Variants in APC2 observed in about 807,000 individuals in gnomAD.
APC2 encodes the protein adenomatous polyposis coli protein 2.
APC2 carries 41 observed loss-of-function variants against 72.5 expected under a neutral mutation model. The observed-to-expected ratio is 0.57, with a 90% confidence interval of 0.44 to 0.73. The LOEUF is 0.73. APC2 is among the 30% of genes least tolerant of loss of function. The probability of loss-of-function intolerance (pLI) is 0.00; values close to 1 mark genes in which losing one functional copy is unlikely to be tolerated. For missense variants in APC2, 3,729 were observed against 3,403.4 expected, an observed-to-expected ratio of 1.10 and a Z score of -2.38; for synonymous variants, 1,898 against 1,612.0, an observed-to-expected ratio of 1.18 and a Z score of -4.25.
chr19:1,454,280 G>GC, intron 4 of APC2, among the ~76,000 whole-genome samples: 1 of 152,314 alleles, frequency 6.6e-6, no homozygotes, highest in Non-Finnish European at 1.5e-5. Context: ...AGGGAGGTTA[G>GC]CAAGTATGGG....
rs1163852032 is a variant in APC2, at chr19:1,469,856, G to C, written c.6555G>C (p.Lys2185Asn). ...CCCCGGCCGGGCCCCCGCCGCGCAAGACCAGCGACGCCGTGGTCCAGACCG... is the reference window on the plus strand; with the variant it reads ...CCCCGGCCGGGCCCCCGCCGCGCAACACCAGCGACGCCGTGGTCCAGACCG... Reference protein sequence around the residue: ...EDAPAGPPPRKTSDAVVQTEE... With the variant: ...EDAPAGPPPRNTSDAVVQTEE... The change falls in exon 15 of 15, where the codon AAG becomes AAC. Residue 2185 changes from lysine to asparagine, a missense_variant. Transcript: ENST00000590469. 2 of 1,521,012 alleles carry C rather than the reference G, an allele frequency of 1.3e-6. No individual in the cohort carries two copies. Among genetic ancestry groups the C allele is most frequent in the Non-Finnish European group, 1.8e-6 (2 of 1,141,450 alleles). 94.2% of individuals were successfully genotyped at this position (1,521,012 alleles called of 1,614,324 possible).
chr19:1,467,497 A>G lies in APC2; in HGVS notation c.4196A>G (p.Asn1399Ser), dbSNP rs1367093436. Residue 1399 changes from asparagine (N) to serine (S), a missense_variant, in exon 15 of 15, where the codon AAC becomes AGC. Physicochemically the swap from Asn to Ser is conservative, Grantham distance 46. Coordinates refer to ENST00000590469, the MANE Select transcript of APC2 (RefSeq NM_005883.3). ...GACTCCGCGGAGGGCACGCCGGTCA[A>G]CTTCTCTAGCGCCGCCTCGCTCAGC... ...CTDSAEGTPV[N>S]FSSAASLSDE... 2.7e-5 allele frequency: 39 copies of G among 1,458,522 alleles called. No individual in the cohort carries two copies. The highest frequency in any genetic ancestry group is 3.5e-5 in the Non-Finnish European group (39 of 1,107,406). 90.3% of individuals were successfully genotyped at this position (1,458,522 alleles called of 1,614,324 possible). A position where few individuals can be genotyped will look rare whatever the true frequency, so the allele number is the denominator to read the frequency against.
chr19:1,451,130 G>C (rs1418705149), intron 1 of APC2, among the ~76,000 whole-genome samples: 1 of 152,200 alleles, frequency 6.6e-6, no homozygotes, highest in African/African-American at 2.4e-5. Context: ...CCTCACAGAG[G>C]GGTGTCAGGA....
Position 1,468,330 on chromosome 19 carries a change from C to A in APC2, c.5029C>A (p.Arg1677=). 2 of 1,556,610 alleles carry A rather than the reference C, an allele frequency of 1.3e-6. No individual in the cohort carries two copies. The highest frequency in any genetic ancestry group is 2.4e-5 in the East Asian group (1 of 41,468). The change falls in exon 15 of 15, where the codon CGG becomes AGG. Residue 1677 remains arginine, a synonymous_variant. Transcript: ENST00000590469. ...CGGCGAGGAGGCAGCGGGCTCGGACCGGGCCTCCGACCTGGATAGCGTGGA... is the reference window on the plus strand; with the variant it reads ...CGGCGAGGAGGCAGCGGGCTCGGACAGGGCCTCCGACCTGGATAGCGTGGA... The part of the protein sequence containing the change: ...ERGEEAAGSD[R]ASDLDSVEWR...
Position 1,468,087 on chromosome 19 carries a change from G to A in APC2, c.4786G>A (p.Ala1596Thr), listed in dbSNP as rs1460415485. The stretch of plus-strand genomic sequence containing the variant: ...CGAGCCCGAGCCCTCGGAGCCGCCG[G>A]CCGTCCATCCACGAGGCCGGGAGCC... ...LSEPEPSEPP[A>T]VHPRGREPAV... Residue 1596 changes from alanine to threonine, a missense_variant, in exon 15 of 15, where the codon GCC becomes ACC. Coordinates refer to ENST00000590469, the MANE Select transcript of APC2 (RefSeq NM_005883.3). 1.3e-6 allele frequency: 2 copies of A among 1,546,056 alleles called. No individual in the cohort carries two copies. Among genetic ancestry groups the A allele is most frequent in the Non-Finnish European group, 1.7e-6 (2 of 1,155,560 alleles).
At position 1,453,420 on chromosome 19, in the gene APC2, C is replaced by T. The variant is rs540735380; in HGVS notation, c.233-11C>T. The T allele has an allele frequency of 7.5e-6, 12 of 1,604,154 alleles. No homozygotes were observed. Among genetic ancestry groups the T allele is most frequent in the East Asian group, 6.7e-5 (3 of 44,634 alleles). On this transcript the variant is annotated splice_polypyrimidine_tract_variant and intron_variant, in intron 3 of 14. Transcript: ENST00000590469. ...GGGCCGCTGACCTCCGCCCTGTCCC[C>T]GCCCATCCAGCCCTACAGATGGACA... is the stretch of plus-strand genomic sequence containing the variant.
chr19:1,460,090 G>A (rs1338212988), intron 10 of APC2, 91 bp from the exon 11 acceptor site: 20 of 1,555,854 alleles, frequency 1.3e-5, no homozygotes, highest in African/African-American at 1.2e-4. Flanking sequence ...CTGGGGCATA[G>A]GGAGGGCCTC....
Position 1,450,328 on chromosome 19 carries a change from C to T in APC2, c.-29C>T, listed in dbSNP as rs1330014630. Reference sequence around the variant, plus strand: ...CCCAGGCGCCCCGCCAGCCCAGCTGCACGTAAGCGGGTGTGTGTCCTCGGG... The same window carrying T: ...CCCAGGCGCCCCGCCAGCCCAGCTGTACGTAAGCGGGTGTGTGTCCTCGGG... On this transcript the variant is annotated 5_prime_UTR_variant, in exon 1 of 15. Coordinates refer to ENST00000590469, the MANE Select transcript of APC2 (RefSeq NM_005883.3). 5 of 985,410 alleles carry T rather than the reference C, an allele frequency of 5.1e-6. No individual in the cohort carries two copies. The African/African-American group carries it at 7.0e-5, about 14-fold the overall frequency. The allele number at this position is 985,410 out of a possible 1,614,324, so 61.0% of individuals were successfully genotyped here.
chr19:1,469,603 C>A lies in APC2; in HGVS notation c.6302C>A (p.Ser2101Ter). 1 of 1,257,170 alleles carries A rather than the reference C, an allele frequency of 8.0e-7. No individual in the cohort carries two copies. The highest frequency in any genetic ancestry group is 1.0e-6 in the Non-Finnish European group (1 of 991,652). The allele number at this position is 1,257,170 out of a possible 1,614,324, so 77.9% of individuals were successfully genotyped here. A position where few individuals can be genotyped will look rare whatever the true frequency, so the allele number is the denominator to read the frequency against. Residue 2101 changes from serine (S) to a stop codon, truncating the protein, a stop_gained, in exon 15 of 15, where the codon TCG (serine) becomes TAG (stop). Transcript: ENST00000590469. LOFTEE classifies it low-confidence loss of function (END_TRUNC). ...CCGGAGACTGTCAAGCGCTACGCGT[C>A]GCTGCCGCACATCAGCGTGGCCCGC... is the stretch of plus-strand genomic sequence containing the variant. ...ARPETVKRYA[S>*]LPHISVARRP... is the part of the protein sequence containing the mutation.
Position 1,456,359 on chromosome 19 carries a change from C to G in APC2, c.771C>G (p.Val257=), listed in dbSNP as rs2083826479. ...TGGACGAGGACCCCGAGACAGAGGT[C>G]CCCACACACCCTGAGGATGGCACCC... ...VPVDEDPETE[V]PTHPEDGTPQ... Residue 257 remains valine, a synonymous_variant, in exon 8 of 15, where the codon GTC becomes GTG. Coordinates refer to ENST00000590469, the MANE Select transcript of APC2 (RefSeq NM_005883.3). 6.2e-7 allele frequency: 1 copy of G among 1,609,004 alleles called. No homozygotes were observed. Among genetic ancestry groups the G allele is most frequent in the South Asian group, 1.1e-5 (1 of 90,400 alleles).
In APC2 at chr19:1,469,572, G is replaced by A. The variant is rs750984310; in HGVS notation, c.6271G>A (p.Ala2091Thr). 32 of 1,245,412 alleles carry A rather than the reference G, an allele frequency of 2.6e-5. No individual in the cohort carries two copies. Among genetic ancestry groups the A allele is most frequent in the African/African-American group, 3.2e-5 (2 of 62,468 alleles). The allele number at this position is 1,245,412 out of a possible 1,614,324, so 77.1% of individuals were successfully genotyped here. Residue 2091 changes from alanine (A) to threonine (T), a missense_variant, in exon 15 of 15, where the codon GCC (alanine) becomes ACC (threonine). Coordinates refer to ENST00000590469, the MANE Select transcript of APC2 (RefSeq NM_005883.3). ...CCGCCTGCCTGTGCGCGCGCCCGCC[G>A]CCCGGCCGGAGACTGTCAAGCGCTA... ...PSRLPVRAPA[A>T]RPETVKRYAS...
rs1467885604 is a variant in APC2 at position 1,461,067 on chromosome 19, T to C, written c.1552T>C (p.Trp518Arg). The change falls in exon 13 of 15, where the codon TGG (tryptophan) becomes CGG (arginine). Residue 518 changes from tryptophan to arginine, a missense_variant. Transcript: ENST00000590469. The part of the protein sequence containing the change: ...VVSSILRNLS[W>R]RADINSKKVL... The stretch of plus-strand genomic sequence containing the variant: ...GTCCAGCATCCTTCGGAACTTGTCC[T>C]GGAGGGCCGACATCAACAGCAAGAA... 2 of 1,613,888 alleles carry C rather than the reference T, an allele frequency of 1.2e-6. No individual in the cohort carries two copies. The highest frequency in any genetic ancestry group is 1.7e-6 in the Non-Finnish European group (2 of 1,180,022).
chr19:1,450,500 C>T (rs1418410399), intron 1 of APC2, among the ~76,000 whole-genome samples, 162 bp downstream of exon 1: 1 of 152,220 alleles, frequency 6.6e-6, no homozygotes, highest in Non-Finnish European at 1.5e-5. Context: ...TGGGCGTCAG[C>T]GTTTCTGCAG....
At chr19:1,460,726 C>A (rs2083908820) in intron 11 of APC2, 54 bp from the exon 12 acceptor site, 4 of 1,556,862 alleles carry the variant, frequency 2.6e-6, no homozygotes, top group Admixed American at 1.7e-5. Context: ...AGGTGAGGGG[C>A]ACAGTCTCCC....
intron 10 of APC2, among the ~76,000 whole-genome samples, chr19:1,459,846 C>A (rs1229159623): frequency 6.6e-6 from 1 of 152,210 alleles, no homozygotes; most frequent in Non-Finnish European, 1.5e-5. Context: ...GGGGGCCTTC[C>A]CCGAGGCACC....
In APC2 at chr19:1,469,143, G is replaced by T; in HGVS notation, c.5842G>T (p.Val1948Phe). The change falls in exon 15 of 15, where the codon GTC becomes TTC. Residue 1948 changes from valine to phenylalanine, a missense_variant. Val to Phe is a conservative substitution (Grantham distance 50). Coordinates refer to ENST00000590469, the MANE Select transcript of APC2 (RefSeq NM_005883.3). ...TGGGCCGCCACCGCTGGCTCGGGCA[G>T]TCCCGGAGCCGGGCCCCAGGGGCCG... ...RRGPPPLARA[V>F]PEPGPRGRAG... is the part of the protein sequence containing the mutation. The T allele has an allele frequency of 7.7e-7, 1 of 1,294,392 alleles. No individual in the cohort carries two copies. The highest frequency in any genetic ancestry group is 3.1e-5 in the East Asian group (1 of 32,052). The allele number at this position is 1,294,392 out of a possible 1,614,324, so 80.2% of individuals were successfully genotyped here.
At chr19:1,448,614 G>A (rs1194033889), upstream of APC2, among the ~76,000 whole-genome samples, 3 of 151,412 alleles carry the variant, frequency 2.0e-5, no homozygotes, top group Non-Finnish European at 4.4e-5. Flanking sequence ...GGGAGGCCGA[G>A]GCGGGTGGAT....
chr19:1,461,091 A>G lies in APC2; in HGVS notation c.1576A>G (p.Lys526Glu), dbSNP rs1324608983. ...CTGGAGGGCCGACATCAACAGCAAG[A>G]AGGTGCTGAGGGAGGCGGGCAGCGT... ...LSWRADINSK[K>E]VLREAGSVTA... The change falls in exon 13 of 15, where the codon AAG becomes GAG. Residue 526 changes from lysine (K) to glutamate (E), a missense_variant. By Grantham distance (56) the Lys-to-Glu change is moderately conservative. Transcript: ENST00000590469. The G allele has an allele frequency of 6.2e-7, 1 of 1,613,576 alleles. No individual in the cohort carries two copies. The highest frequency in any genetic ancestry group is 1.3e-5 in the African/African-American group (1 of 74,946).
At chr19:1,449,987 A>T (rs2083723351), upstream of APC2, among the ~76,000 whole-genome samples, 1 of 151,274 alleles carries the variant, frequency 6.6e-6, no homozygotes, top group African/African-American at 2.4e-5. Context: ...GCCCGCGCGG[A>T]GGCCCGACGC....
Sources: gnomAD v4.1 joint callset for allele counts (sites outside exome capture counted in the v4.1 genomes callset) on GRCh38, gnomAD v4.1.1 for gene constraint, MANE v1.5 for transcripts, NCBI Gene and HGNC (gene_info 2026-07-23, HGNC 2026-07-21) for gene names.